Variants in STK39 observed in about 807,000 individuals in gnomAD.
The protein encoded by STK39 is STE20/SPS1-related proline-alanine-rich protein kinase.
STK39 carries 20 observed loss-of-function variants against 77.8 expected under a neutral mutation model. The ratio of observed to expected loss-of-function variants is 0.26; its 90% CI spans 0.18 to 0.37. The LOEUF (loss-of-function observed/expected upper bound fraction) is 0.37. STK39 is among the 10% of genes least tolerant of loss of function. The pLI, the probability that STK39 is intolerant of heterozygous loss-of-function variation, is 1.00. For synonymous variants in STK39, 246 were observed against 234.1 expected, an observed-to-expected ratio of 1.05 and a Z score of -0.47; for missense variants, 479 against 656.5, an observed-to-expected ratio of 0.73 and a Z score of 2.95.
At chr2:168,177,406 A>G (rs1342200232) in intron 2 of STK39, among the ~76,000 whole-genome samples, 1 of 152,192 alleles carries the variant, frequency 6.6e-6, no homozygotes, top group African/African-American at 2.4e-5. Context: ...CCAAAGGCAG[A>G]CTAGAAATAT....
intron 16 of STK39, among the ~76,000 whole-genome samples, chr2:168,012,053 T>C (rs1430050568): frequency 1.3e-5 from 2 of 152,214 alleles, no homozygotes; most frequent in East Asian, 3.8e-4. Flanking sequence ...TTATTTTTGT[T>C]ACATCATGGA....
At chr2:168,049,074 C>A (rs1055074996) in intron 14 of STK39, among the ~76,000 whole-genome samples, 1 of 152,188 alleles carries the variant, frequency 6.6e-6, no homozygotes. Context: ...CAGCCCTTTG[C>A]CCAGATGCTC....
intron 10 of STK39, among the ~76,000 whole-genome samples, chr2:168,093,074 A>G (rs749823112): frequency 6.6e-5 from 10 of 152,142 alleles, no homozygotes; most frequent in Non-Finnish European, 1.5e-4. Context: ...CTCGCTCAAC[A>G]CATTCAGAAT....
intron 14 of STK39, among the ~76,000 whole-genome samples, chr2:168,019,696 T>C (rs1684523409): frequency 6.6e-6 from 1 of 152,106 alleles, no homozygotes; most frequent in South Asian, 2.1e-4. Flanking sequence ...TTTCTTTATA[T>C]TTATTTATTT....
intron 10 of STK39, among the ~76,000 whole-genome samples, chr2:168,093,915 AT>A (rs1485503828): frequency 6.6e-6 from 1 of 152,098 alleles, no homozygotes; most frequent in Non-Finnish European, 1.5e-5. Context: ...ACCTCTGCAT[AT>A]CTTCCCTCTA....
Position 167,954,902 on chromosome 2 carries a change from C to G in STK39, c.*594G>C, listed in dbSNP as rs1296783291. ...ACTGCAAGAAGCATATAATCAAAACCCTTTTTTTCTTATAGCTAAGGTGTG... is the reference window on the plus strand; with the variant it reads ...ACTGCAAGAAGCATATAATCAAAACGCTTTTTTTCTTATAGCTAAGGTGTG... On this transcript the variant is annotated 3_prime_UTR_variant, in exon 18 of 18. Coordinates refer to ENST00000355999, the MANE Select transcript of STK39 (RefSeq NM_013233.3). The G allele has an allele frequency of 6.6e-6, 1 of 152,478 alleles. No individual in the cohort carries two copies. The highest frequency in any genetic ancestry group is 1.9e-4 in the East Asian group (1 of 5,190). 9.4% of individuals were successfully genotyped at this position (152,478 alleles called of 1,614,324 possible).
At chr2:168,089,695 C>T (rs183284859) in intron 10 of STK39, among the ~76,000 whole-genome samples, 118 of 152,312 alleles carry the variant, frequency 7.7e-4, no homozygotes, top group Admixed American at 2.5e-3. Context: ...CTCACCACAA[C>T]CTCCGCCTCC....
chr2:168,138,102 T>C lies in STK39; in HGVS notation c.960A>G (p.Lys320=), dbSNP rs1687885667. 3 of 1,613,860 alleles carry C rather than the reference T, an allele frequency of 1.9e-6. No homozygotes were observed. Among genetic ancestry groups the C allele is most frequent in the Non-Finnish European group, 1.7e-6 (2 of 1,179,820 alleles). Residue 320 remains lysine, a synonymous_variant, in exon 8 of 18, where the codon AAA becomes AAG. Coordinates refer to ENST00000355999, the MANE Select transcript of STK39 (RefSeq NM_013233.3). The part of the protein sequence containing the change: ...FRKLLSLCLQ[K]DPSKRPTAAE... ...GTTTCACTTACCTTTTGGAAGGATC[T>C]TTCTGAAGACACAGTGAAAGTAATT... is the stretch of plus-strand genomic sequence containing the variant.
chr2:167,980,957 G>C (rs1271947252), intron 16 of STK39, among the ~76,000 whole-genome samples: 1 of 151,370 alleles, frequency 6.6e-6, no homozygotes, highest in African/African-American at 2.4e-5. Context: ...GAAATGTACA[G>C]AGTAAGAGTG....
chr2:168,036,666 T>C (rs72887636), intron 14 of STK39, among the ~76,000 whole-genome samples: 5,048 of 152,306 alleles, frequency 0.033, 147 homozygotes, highest in Non-Finnish European at 0.055. Flanking sequence ...GCAGCACCCA[T>C]TGCATGCTCA....
intron 1 of STK39, among the ~76,000 whole-genome samples, chr2:168,207,451 T>A (rs1180829041): frequency 1.3e-5 from 2 of 152,202 alleles, no homozygotes; most frequent in Non-Finnish European, 1.5e-5. Context: ...TGAGTACATA[T>A]TATTTGCACC....
chr2:168,014,007 C>T (rs1034330524), intron 15 of STK39, among the ~76,000 whole-genome samples: 1 of 150,782 alleles, frequency 6.6e-6, no homozygotes, highest in Non-Finnish European at 1.5e-5. Flanking sequence ...ACACACCTTA[C>T]ACTTTATACT....
At chr2:168,016,387 CAAAAAAAAAAAAAAAAAA>C (rs869084308) in intron 15 of STK39, among the ~76,000 whole-genome samples, 1 of 65,648 alleles carries the variant, frequency 1.5e-5, no homozygotes, top group Non-Finnish European at 2.8e-5. Flanking sequence ...GGCCTTTGTT[CAAAAAAAAAAAAAAAAAA>C]AAAAAAAACA....
chr2:168,180,112 C>T (rs931544576), intron 2 of STK39, among the ~76,000 whole-genome samples: 1 of 152,136 alleles, frequency 6.6e-6, no homozygotes, highest in East Asian at 1.9e-4. Flanking sequence ...TGTGGGAGGC[C>T]GAGGCGGACA....
intron 2 of STK39, among the ~76,000 whole-genome samples, chr2:168,171,640 T>A (rs1249751930): frequency 1.3e-5 from 2 of 151,854 alleles, no homozygotes; most frequent in Non-Finnish European, 2.9e-5. Context: ...GCACATGCTA[T>A]CACATCCAGC....
At chr2:168,038,947 G>T (rs1318754190) in intron 14 of STK39, among the ~76,000 whole-genome samples, 2 of 152,060 alleles carry the variant, frequency 1.3e-5, no homozygotes, top group Admixed American at 1.3e-4. Context: ...ACTGCTGGTG[G>T]GACTGTAAAA....
At chr2:167,956,488 G>T (rs968997165) in intron 17 of STK39, among the ~76,000 whole-genome samples, 2 of 151,666 alleles carry the variant, frequency 1.3e-5, no homozygotes, top group Non-Finnish European at 2.9e-5. Context: ...CACTTGAACC[G>T]GGGAGGCAGA....
intron 14 of STK39, among the ~76,000 whole-genome samples, chr2:168,025,534 A>G (rs1355618324): frequency 6.6e-6 from 1 of 152,216 alleles, no homozygotes; most frequent in Non-Finnish European, 1.5e-5. Context: ...AGTAAAGAGT[A>G]TTTCACATGC....
intron 14 of STK39, among the ~76,000 whole-genome samples, chr2:168,030,560 C>T (rs1684810558): frequency 6.6e-6 from 1 of 152,142 alleles, no homozygotes; most frequent in Admixed American, 6.6e-5. Context: ...AAGGAAAAAA[C>T]TGTGAAGAAC....
Sources: allele counts gnomAD v4.1 joint callset (sites outside exome capture counted in the v4.1 genomes callset), GRCh38; gene constraint gnomAD v4.1.1; transcripts MANE v1.5; gene names NCBI Gene and HGNC (gene_info 2026-07-23, HGNC 2026-07-21).